Variants in SPINK8 observed in about 807,000 individuals in gnomAD.
SPINK8 encodes serine protease inhibitor Kazal-type 8.
A neutral mutation model predicts 14.4 loss-of-function variants in SPINK8; 12 were observed. That is an observed-to-expected ratio of 0.83 (90% CI 0.53 to 1.35). The LOEUF is 1.35. Ranked by LOEUF, SPINK8 falls within the 40% of genes most tolerant of loss-of-function variation. The pLI, the probability that SPINK8 is intolerant of heterozygous loss-of-function variation, is 0.00. For synonymous variants in SPINK8, 32 were observed against 37.6 expected (o/e 0.85, Z 0.55); for missense variants, 103 against 117.0 (o/e 0.88, Z 0.55).
chr3:48,317,672 C>T (rs773707520), intron 6 of SPINK8, among the ~76,000 whole-genome samples: 7 of 151,704 alleles, frequency 4.6e-5, no homozygotes, highest in Non-Finnish European at 8.8e-5. Context: ...CCCGCCACCA[C>T]GTCTGGCTAA....
intron 6 of SPINK8, among the ~76,000 whole-genome samples, chr3:48,312,183 G>A (rs2035931576): frequency 1.3e-5 from 2 of 151,088 alleles, no homozygotes; most frequent in South Asian, 4.2e-4. Flanking sequence ...ACTGGTATTA[G>A]GATATAAATA....
chr3:48,313,115 A>G (rs2035944917), intron 6 of SPINK8, among the ~76,000 whole-genome samples: 1 of 152,232 alleles, frequency 6.6e-6, no homozygotes, highest in African/African-American at 2.4e-5. Context: ...AAACGTAAGA[A>G]CAACAAAAGA....
At chr3:48,315,538 T>C (rs1442145469) in intron 6 of SPINK8, among the ~76,000 whole-genome samples, 1 of 151,544 alleles carries the variant, frequency 6.6e-6, no homozygotes, top group Non-Finnish European at 1.5e-5. Context: ...CTGACCAACA[T>C]GGTGAAATCC....
chr3:48,307,611 G>T (rs1046705903), intron 7 of SPINK8, among the ~76,000 whole-genome samples: 1 of 149,200 alleles, frequency 6.7e-6, no homozygotes, highest in South Asian at 2.1e-4. Context: ...TGATTTAGGG[G>T]AAGGTGCCAA....
rs1033094027 is a variant in SPINK8 at position 48,319,601 on chromosome 3, A to C, written c.135T>G (p.Asn45Lys). The C allele has an allele frequency of 6.2e-7, 1 of 1,613,928 alleles. No individual in the cohort carries two copies. Among genetic ancestry groups the C allele is most frequent in the Non-Finnish European group, 8.5e-7 (1 of 1,179,866 alleles). Reference protein sequence around the residue: ...LDKTIVECLKNVNKCWFLSYI... With the variant: ...LDKTIVECLKKVNKCWFLSYI... The stretch of plus-strand genomic sequence containing the variant: ...AGGATAAAAACCAGCACTTATTTAC[A>C]TTCTTGAGGCATTCAACCTGAAGGT... Residue 45 changes from asparagine to lysine, a missense_variant, in exon 6 of 8, where the codon AAT becomes AAG. Transcript: ENST00000434006.
intron 5 of SPINK8, among the ~76,000 whole-genome samples, chr3:48,320,471 C>G (rs2036057106): frequency 6.6e-6 from 1 of 151,854 alleles, no homozygotes; most frequent in Admixed American, 6.6e-5. Flanking sequence ...TCACTTGAAC[C>G]CAGGAGGCAG....
At chr3:48,330,352 C>T (rs2036235805) in intron 2 of SPINK8, among the ~76,000 whole-genome samples, 1 of 152,078 alleles carries the variant, frequency 6.6e-6, no homozygotes, top group African/African-American at 2.4e-5. Context: ...GACCCTGTCT[C>T]TACTAAAAAT....
intron 4 of SPINK8, among the ~76,000 whole-genome samples, chr3:48,327,891 C>G (rs1455745275): frequency 6.6e-6 from 1 of 152,184 alleles, no homozygotes; most frequent in Non-Finnish European, 1.5e-5. Context: ...TAACTATAAG[C>G]ATGACTTTTG....
intron 4 of SPINK8, among the ~76,000 whole-genome samples, chr3:48,325,346 A>G (rs979556937): frequency 1.3e-5 from 2 of 150,260 alleles, no homozygotes; most frequent in Admixed American, 1.3e-4. Context: ...TGTTTTGTGT[A>G]TGTCTCCTTT....
chr3:48,326,743 T>C (rs1281579503), intron 4 of SPINK8, among the ~76,000 whole-genome samples: 2 of 152,060 alleles, frequency 1.3e-5, no homozygotes, highest in African/African-American at 2.4e-5. Flanking sequence ...ACCATGTCTC[T>C]ACTAAAAATA....
At chr3:48,316,703 G>A (rs1318829090) in intron 6 of SPINK8, among the ~76,000 whole-genome samples, 1 of 152,146 alleles carries the variant, frequency 6.6e-6, no homozygotes, top group East Asian at 1.9e-4. Flanking sequence ...AGCCCAGGAG[G>A]TCGAGGCTGC....
Position 48,306,993 on chromosome 3 carries a change from C to A in SPINK8, c.293G>T (p.Ter98LeuextTer7). The change falls in exon 8 of 8, where the codon TGA becomes TTA. Residue 98 changes from the stop codon to leucine, a stop_lost. Transcript: ENST00000434006. ...GTTTTATAATTCTTTGTCGTACGTT[C>A]AAGAGTTTTCCTGCAAGAGAAGTAT... ...KLYDGQCENS[*>L] The A allele has an allele frequency of 6.2e-7, 1 of 1,613,102 alleles. No homozygotes were observed. The highest frequency in any genetic ancestry group is 8.5e-7 in the Non-Finnish European group (1 of 1,179,526).
At chr3:48,322,328 TTC>T (rs555711992) in intron 4 of SPINK8, among the ~76,000 whole-genome samples, 1 of 151,964 alleles carries the variant, frequency 6.6e-6, no homozygotes, top group Non-Finnish European at 1.5e-5. Flanking sequence ...ATAATCCACT[TTC>T]TGTTTCTTTT....
intron 4 of SPINK8, among the ~76,000 whole-genome samples, chr3:48,325,119 T>C (rs2036121649): frequency 6.6e-6 from 1 of 152,204 alleles, no homozygotes; most frequent in Non-Finnish European, 1.5e-5. Flanking sequence ...CTTTTTATGG[T>C]TGCAGTTTGC....
At chr3:48,321,143 G>A (rs1323741683) in intron 4 of SPINK8, 69 bp from the exon 5 acceptor site, 14 of 1,486,364 alleles carry the variant, frequency 9.4e-6, no homozygotes, top group South Asian at 5.1e-5. Flanking sequence ...AAGGTAAGAT[G>A]AGGGGAACCC....
chr3:48,333,332 G>T (rs944224980), intron 1 of SPINK8, among the ~76,000 whole-genome samples: 2 of 151,868 alleles, frequency 1.3e-5, no homozygotes, highest in African/African-American at 2.4e-5. Flanking sequence ...GGGTCAAATT[G>T]GTCCTAATTC....
Position 48,321,015 on chromosome 3 carries a change from C to T in SPINK8, c.117+10G>A. 6.3e-7 allele frequency: 1 copy of T among 1,586,956 alleles called. No individual in the cohort carries two copies. The highest frequency in any genetic ancestry group is 8.6e-7 in the Non-Finnish European group (1 of 1,165,426). The stretch of plus-strand genomic sequence containing the variant: ...TTCCTGTTATTAGGAACCAAGGAAG[C>T]AGTACTCACTATTGTTTTGTCTAGC... On this transcript the variant is annotated intron_variant, in intron 5 of 7. Coordinates refer to ENST00000434006, the MANE Select transcript of SPINK8 (RefSeq NM_001080525.3).
At chr3:48,328,138 G>T in intron 4 of SPINK8, 137 bp downstream of exon 4, 2 of 673,408 alleles carry the variant, frequency 3.0e-6, no homozygotes, top group Non-Finnish European at 4.7e-6. Context: ...CTTTCTCTGG[G>T]TTTTAATTTC....
At chr3:48,311,837 C>A (rs2035927688) in intron 6 of SPINK8, among the ~76,000 whole-genome samples, 1 of 152,102 alleles carries the variant, frequency 6.6e-6, no homozygotes, top group Admixed American at 6.5e-5. Context: ...TCAATGAAAT[C>A]CTTATCAAAA....
Sources: gnomAD v4.1 joint callset for allele counts (sites outside exome capture counted in the v4.1 genomes callset) on GRCh38, gnomAD v4.1.1 for gene constraint, MANE v1.5 for transcripts, NCBI Gene and HGNC (gene_info 2026-07-23, HGNC 2026-07-21) for gene names.